The following RNF157 variants were observed in gnomAD, a reference collection of about 807,000 sequenced individuals.
RNF157 encodes the protein E3 ubiquitin ligase RNF157.
RNF157 carries 55 observed loss-of-function variants against 88.3 expected under a neutral mutation model. The observed-to-expected ratio is 0.62, with a 90% confidence interval of 0.50 to 0.78. The LOEUF is 0.78. RNF157 is among the 30% of genes least tolerant of loss of function. RNF157 has a pLI of 0.00. For synonymous variants in RNF157, 334 were observed against 341.2 expected (o/e 0.98, Z 0.23); for missense variants, 788 against 860.8 (o/e 0.92, Z 1.06).
chr17:76,194,054 T>C (rs554474873), intron 2 of RNF157, among the ~76,000 whole-genome samples: 1 of 152,278 alleles, frequency 6.6e-6, no homozygotes, highest in African/African-American at 2.4e-5. Flanking sequence ...GCACATTCTG[T>C]TTTTTTGTTG....
At chr17:76,193,681 G>C (rs1167677426) in intron 2 of RNF157, among the ~76,000 whole-genome samples, 1 of 152,164 alleles carries the variant, frequency 6.6e-6, no homozygotes, top group Non-Finnish European at 1.5e-5. Context: ...CCTTTTGTCT[G>C]TTGTGACCCT....
intron 2 of RNF157, among the ~76,000 whole-genome samples, chr17:76,203,687 G>A (rs1045516471): frequency 2.0e-5 from 3 of 151,124 alleles, no homozygotes; most frequent in African/African-American, 7.3e-5. Flanking sequence ...CCTGACCTAA[G>A]GTGACCTCCC....
intron 2 of RNF157, among the ~76,000 whole-genome samples, chr17:76,194,871 C>T (rs550110686): frequency 2.0e-5 from 3 of 152,130 alleles, no homozygotes; most frequent in South Asian, 2.1e-4. Flanking sequence ...AAAAATTAGC[C>T]AGGCGTGGTG....
Position 76,226,671 on chromosome 17 carries a change from G to A in RNF157, c.88+13482C>T. On this transcript the variant is annotated intron_variant, in intron 1 of 18. Transcript: ENST00000269391. ...GCCTTGTCGCTGGAGAACCCATGAG[G>A]TTTGAAGTGCTTGGCCACCTCCACG... The A allele has an allele frequency of 1.9e-6, 3 of 1,612,300 alleles. No individual in the cohort carries two copies. In the South Asian group the frequency reaches 3.3e-5, roughly 18 times the overall value.
At chr17:76,158,722 G>A (rs939396459) in intron 12 of RNF157, among the ~76,000 whole-genome samples, 6 of 152,176 alleles carry the variant, frequency 3.9e-5, no homozygotes, top group Non-Finnish European at 8.8e-5. Flanking sequence ...GAGTAGCCGA[G>A]TAGGTCTGGG....
chr17:76,177,108 G>A (rs988334076), intron 2 of RNF157, among the ~76,000 whole-genome samples: 13 of 152,134 alleles, frequency 8.5e-5, no homozygotes, highest in Admixed American at 4.6e-4. Context: ...TCATGGCGAT[G>A]TCACCCTGCC....
At chr17:76,181,691 T>C (rs927136871) in intron 2 of RNF157, among the ~76,000 whole-genome samples, 12 of 151,920 alleles carry the variant, frequency 7.9e-5, no homozygotes, top group Non-Finnish European at 1.8e-4. Context: ...GCAGATCACC[T>C]GAGGTCCAGA....
chr17:76,185,381 G>A (rs16968702), intron 2 of RNF157, among the ~76,000 whole-genome samples: 30,936 of 152,132 alleles, frequency 0.2, 3,230 homozygotes, highest in Middle Eastern at 0.27. Flanking sequence ...TGAGTTAAAA[G>A]GAGAAAAGCG....
chr17:76,153,659 A>G (rs1236462682), intron 17 of RNF157: 1 of 152,624 alleles, frequency 6.6e-6, no homozygotes, highest in Non-Finnish European at 1.5e-5. Context: ...TGGAAACAAC[A>G]TTCTTCCAAC....
At position 76,240,226 on chromosome 17, in the gene RNF157, C is replaced by T. The variant is rs1203363914; in HGVS notation, c.15G>A (p.Thr5=). 5 of 1,371,516 alleles carry T rather than the reference C, an allele frequency of 3.6e-6. No homozygotes were observed. Among genetic ancestry groups the T allele is most frequent in the South Asian group, 1.8e-5 (1 of 55,428 alleles). The allele number at this position is 1,371,516 out of a possible 1,614,324, so 85.0% of individuals were successfully genotyped here. The change falls in exon 1 of 19, where the codon ACG becomes ACA. Residue 5 remains threonine (T), a synonymous_variant. Transcript: ENST00000269391. The surrounding 1 kb of genome is among the most constrained non-coding windows in gnomAD (Gnocchi z 4.4). ...CCTCCACGCCCGCGTGCTGCCGGCT[C>T]GTCAGGGCCCCCATGGCCGCTGCGG... MGAL[T]SRQHAGVEEV... is the part of the protein sequence containing the mutation.
intron 1 of RNF157, chr17:76,226,697 T>C (rs2070093655): frequency 6.2e-7 from 1 of 1,612,044 alleles, no homozygotes; most frequent in East Asian, 2.2e-5. Context: ...CACCTCCACG[T>C]AGTCATCTAA....
At chr17:76,211,581 T>C (rs1442138339) in intron 2 of RNF157, among the ~76,000 whole-genome samples, 2 of 152,216 alleles carry the variant, frequency 1.3e-5, no homozygotes, top group Non-Finnish European at 2.9e-5. Flanking sequence ...ATAAAACCCT[T>C]AGAACAGTGC....
At chr17:76,166,806 A>C (rs1165111401) in intron 5 of RNF157, among the ~76,000 whole-genome samples, 1 of 151,868 alleles carries the variant, frequency 6.6e-6, no homozygotes, top group East Asian at 1.9e-4. Context: ...TTCCATTCCT[A>C]GGGAATGGAA....
intron 2 of RNF157, among the ~76,000 whole-genome samples, chr17:76,189,087 G>A (rs1471797006): frequency 6.6e-6 from 1 of 152,222 alleles, no homozygotes; most frequent in Non-Finnish European, 1.5e-5. Flanking sequence ...CATTGGAGGA[G>A]ATGAAGGAAA....
chr17:76,194,261 T>A (rs1404478128), intron 2 of RNF157, among the ~76,000 whole-genome samples: 1 of 152,150 alleles, frequency 6.6e-6, no homozygotes, highest in Non-Finnish European at 1.5e-5. Context: ...CAACCATTGA[T>A]CTATTTCTTA....
chr17:76,151,296 G>A (rs1168474708), intron 18 of RNF157, among the ~76,000 whole-genome samples: 1 of 152,244 alleles, frequency 6.6e-6, no homozygotes, highest in Non-Finnish European at 1.5e-5. Flanking sequence ...GCTGGAGAAA[G>A]TATCTCTAGA....
chr17:76,226,576 A>G lies in RNF157; in HGVS notation c.88+13577T>C, dbSNP rs1217798006. The G allele has an allele frequency of 8.1e-6, 13 of 1,613,468 alleles. No homozygotes were observed. In the Admixed American group the frequency reaches 1.0e-4, roughly 12 times the overall value. ...ACATCCAATGTGTCCCAGAGAAGGC[A>G]TCCTCCTTGCTGTTGTTGGAGGGAC... is the stretch of plus-strand genomic sequence containing the variant. On this transcript the variant is annotated intron_variant, in intron 1 of 18. Transcript: ENST00000269391.
chr17:76,155,650 C>G lies in RNF157; in HGVS notation c.1610G>C (p.Gly537Ala), dbSNP rs749486875. 1.2e-6 allele frequency: 2 copies of G among 1,613,818 alleles called. No homozygotes were observed. Among genetic ancestry groups the G allele is most frequent in the Non-Finnish European group, 1.7e-6 (2 of 1,179,952 alleles). Residue 537 changes from glycine (G) to alanine (A), a missense_variant, in exon 15 of 19, where the codon GGC becomes GCC. Transcript: ENST00000269391. Reference protein sequence around the residue: ...ISTDTVSSMSGSYIAPGTEEE... With the variant: ...ISTDTVSSMSASYIAPGTEEE... ...TTCAGTGCCAGGGGCGATGTAGGAGCCAGACATGGAGGAGACGGTGTCAGT... is the reference window on the plus strand; with the variant it reads ...TTCAGTGCCAGGGGCGATGTAGGAGGCAGACATGGAGGAGACGGTGTCAGT...
chr17:76,155,763 C>G (rs763606879), intron 14 of RNF157, 29 bp from the exon 15 acceptor site: 4 of 1,501,024 alleles, frequency 2.7e-6, no homozygotes, highest in Non-Finnish European at 3.6e-6. Context: ...GGGAAAGGAG[C>G]CTGGAGGTCA....
Sources: allele counts gnomAD v4.1 joint callset (sites outside exome capture counted in the v4.1 genomes callset), GRCh38; gene constraint gnomAD v4.1.1; non-coding constraint Gnocchi (gnomAD v3.1); transcripts MANE v1.5; gene names NCBI Gene and HGNC (gene_info 2026-07-23, HGNC 2026-07-21).